The following MID1 variants were observed in gnomAD, a reference collection of about 807,000 sequenced individuals.
MID1 encodes the protein E3 ubiquitin-protein ligase Midline-1.
In MID1, 7 loss-of-function variants were observed where a neutral mutation model predicts 40.4. The ratio of observed to expected loss-of-function variants is 0.17; its 90% CI spans 0.10 to 0.33. The LOEUF (loss-of-function observed/expected upper bound fraction) is 0.33, where lower values mean the gene tolerates loss of function less well. Ranked by LOEUF, MID1 falls within the 10% of genes least tolerant of loss-of-function variation. MID1 has a pLI of 1.00. For missense variants in MID1, 367 were observed against 558.5 expected (o/e 0.66, Z 3.46); for synonymous variants, 229 against 221.2 (o/e 1.04, Z -0.31).
intron 2 of MID1, among the ~76,000 whole-genome samples, chrX:10,555,712 A>G (rs1934092982): frequency 9.0e-6 from 1 of 111,436 alleles, no homozygotes; most frequent in Non-Finnish European, 1.9e-5. Context: ...GAAGCTGCTC[A>G]TGATTTCCAT....
chrX:10,581,077 C>T, intron 1 of MID1, among the ~76,000 whole-genome samples: 1 of 110,201 alleles, frequency 9.1e-6, no homozygotes. Flanking sequence ...AGTGAAACCT[C>T]ATCTCTACTA....
chrX:10,626,686 C>T (rs146894313), intron 1 of MID1, among the ~76,000 whole-genome samples: 2,944 of 111,661 alleles, frequency 0.026, 47 homozygotes, highest in African/African-American at 0.058. Flanking sequence ...CCTAGTAAAG[C>T]TGGATAACAG....
chrX:10,712,597 A>G (rs758023795), intron 1 of MID1, among the ~76,000 whole-genome samples: 14 of 110,744 alleles, frequency 1.3e-4, no homozygotes, highest in Non-Finnish European at 2.6e-4. Flanking sequence ...CAAGGGCCAA[A>G]TGGGGCACTT....
intron 1 of MID1, among the ~76,000 whole-genome samples, chrX:10,689,859 A>G (rs765847214): frequency 1.8e-5 from 2 of 111,488 alleles, no homozygotes; most frequent in Admixed American, 9.6e-5. Flanking sequence ...CATTTTGTCA[A>G]TATCTGGAAA....
intron 1 of MID1, among the ~76,000 whole-genome samples, chrX:10,738,375 C>T (rs922597681): frequency 3.6e-5 from 4 of 110,995 alleles, no homozygotes; most frequent in African/African-American, 1.3e-4. Context: ...ACAGTCACAC[C>T]ATCTCCTTTT....
intron 5 of MID1, among the ~76,000 whole-genome samples, chrX:10,479,417 G>A (rs1003019686): frequency 1.8e-5 from 2 of 110,790 alleles, no homozygotes; most frequent in South Asian, 7.7e-4. Context: ...ACCCTATTGT[G>A]CTACCAAATA....
chrX:10,466,424 T>C (rs377063668), intron 7 of MID1, among the ~76,000 whole-genome samples: 1 of 111,763 alleles, frequency 8.9e-6, no homozygotes, highest in South Asian at 3.7e-4. Flanking sequence ...TCTCAGTATT[T>C]AGCATGTAAT....
intron 1 of MID1, among the ~76,000 whole-genome samples, chrX:10,759,841 A>G (rs73484903): frequency 0.06 from 6,728 of 112,017 alleles, 514 homozygotes; most frequent in African/African-American, 0.21. Flanking sequence ...ATTTACAAAC[A>G]GATACAAAAA....
rs1478403555 is a variant in MID1, at chrX:10,474,883, C to G, written c.1014-133G>C. 3 of 590,156 alleles carry G rather than the reference C, an allele frequency of 5.1e-6. No individual in the cohort carries two copies. In the African/African-American group the frequency reaches 6.7e-5, roughly 13 times the overall value. The allele number at this position is 590,156 out of a possible 1,213,427, so 48.6% of individuals were successfully genotyped here. ...TTTACACATGAGTTTTAAGAGGCATCTCAAAATGTCACAACACAGTAACAT... is the reference window on the plus strand; with the variant it reads ...TTTACACATGAGTTTTAAGAGGCATGTCAAAATGTCACAACACAGTAACAT... On this transcript the variant is annotated intron_variant, in intron 5 of 9. Transcript: ENST00000317552.
intron 8 of MID1, among the ~76,000 whole-genome samples, chrX:10,456,471 C>A (rs1010038194): frequency 8.0e-5 from 9 of 112,521 alleles, no homozygotes; most frequent in East Asian, 2.8e-4. Context: ...TTTACAAAAT[C>A]AGGCAGCCAG....
chrX:10,459,827 T>C lies in MID1; in HGVS notation c.1286-20A>G, dbSNP rs765788139. 5.0e-6 allele frequency: 6 copies of C among 1,201,130 alleles called. No homozygotes were observed. The South Asian group carries it at 1.1e-4, about 21-fold the overall frequency. On this transcript the variant is annotated intron_variant, in intron 7 of 9. Transcript: ENST00000317552. ...ACAGACCTGCAAAGCCAATCAGACA[T>C]GGTGCAGTTCTTTGGCACAAGGGGA...
At chrX:10,510,948 A>G (rs1023292017) in intron 3 of MID1, among the ~76,000 whole-genome samples, 1 of 110,324 alleles carries the variant, frequency 9.1e-6, no homozygotes, top group Non-Finnish European at 1.9e-5. Flanking sequence ...CAGTTCTAAA[A>G]GAAATTACAT....
chrX:10,770,096 G>T (rs1246742228), intron 1 of MID1, among the ~76,000 whole-genome samples: 1 of 111,607 alleles, frequency 9.0e-6, no homozygotes, highest in Non-Finnish European at 1.9e-5. Flanking sequence ...CCACTCCAAA[G>T]AAGCTCAAAT....
At chrX:10,691,385 G>T (rs2043130555) in intron 1 of MID1, among the ~76,000 whole-genome samples, 1 of 111,468 alleles carries the variant, frequency 9.0e-6, no homozygotes, top group Non-Finnish European at 1.9e-5. Flanking sequence ...ACCAGCTAGA[G>T]CTGAGGCAGA....
At chrX:10,585,608 G>T (rs1432512842) in intron 1 of MID1, among the ~76,000 whole-genome samples, 1 of 111,148 alleles carries the variant, frequency 9.0e-6, no homozygotes, top group Non-Finnish European at 1.9e-5. Flanking sequence ...CAATTTTTAG[G>T]GTTACACGTT....
intron 1 of MID1, among the ~76,000 whole-genome samples, chrX:10,715,494 G>GA (rs2043296344): frequency 8.9e-6 from 1 of 111,906 alleles, no homozygotes; most frequent in Non-Finnish European, 1.9e-5. Flanking sequence ...AGCGAGGCTG[G>GA]GGGAGGGGCG....
chrX:10,506,080 T>C (rs1385313542), intron 3 of MID1: 5 of 795,916 alleles, frequency 6.3e-6, no homozygotes, highest in African/African-American at 4.5e-5. Context: ...ACAAGTGATA[T>C]CTATGAAATA....
At chrX:10,649,048 A>G (rs1936290772) in intron 1 of MID1, among the ~76,000 whole-genome samples, 1 of 112,131 alleles carries the variant, frequency 8.9e-6, no homozygotes, top group Non-Finnish European at 1.9e-5. Context: ...TTTAAAAAGG[A>G]AATATAAATT....
chrX:10,652,520 C>G (rs1383634069), intron 1 of MID1, among the ~76,000 whole-genome samples: 1 of 111,891 alleles, frequency 8.9e-6, no homozygotes, highest in African/African-American at 3.3e-5. Context: ...TCCTACCTTG[C>G]ATTCCCCTGC....
Sources: gnomAD v4.1 joint callset for allele counts (sites outside exome capture counted in the v4.1 genomes callset) on GRCh38, gnomAD v4.1.1 for gene constraint, MANE v1.5 for transcripts, NCBI Gene and HGNC (gene_info 2026-07-23, HGNC 2026-07-21) for gene names.